Variants in PRKAR1B observed in about 807,000 individuals in gnomAD.
The protein encoded by PRKAR1B is protein kinase cAMP-dependent type I regulatory subunit beta, also known as cAMP-dependent protein kinase type I-beta regulatory subunit.
In PRKAR1B, 22 loss-of-function variants were observed where a neutral mutation model predicts 46.5. The observed-to-expected ratio is 0.47, with a 90% CI of 0.34 to 0.68. PRKAR1B has a LOEUF of 0.68. Among genes scored for constraint, PRKAR1B ranks in the 30% least tolerant of loss-of-function variants. PRKAR1B has a pLI of 0.01. For missense variants in PRKAR1B, 445 were observed against 535.6 expected (o/e 0.83, Z 1.67); for synonymous variants, 259 against 217.7 (o/e 1.19, Z -1.67).
At chr7:657,388 CATGGATGGATGG>C (rs538399335) in intron 4 of PRKAR1B, among the ~76,000 whole-genome samples, 2 of 147,562 alleles carry the variant, frequency 1.4e-5, no homozygotes, top group African/African-American at 2.5e-5. Context: ...TGAATGTGTG[CATGGATGGATGG>C]ATGGATGGAT....
At chr7:653,410 C>G (rs937459155) in intron 4 of PRKAR1B, among the ~76,000 whole-genome samples, 2 of 152,324 alleles carry the variant, frequency 1.3e-5, no homozygotes, top group Non-Finnish European at 2.9e-5. Flanking sequence ...AAAGTGAGGG[C>G]TGGCTTCCAG....
chr7:550,794 T>C (rs536931368), intron 10 of PRKAR1B, among the ~76,000 whole-genome samples, 192 bp from the exon 11 acceptor site: 1 of 152,334 alleles, frequency 6.6e-6, no homozygotes, highest in Non-Finnish European at 1.5e-5. Context: ...GCTAATGAAT[T>C]GTTTATTATC....
intron 2 of PRKAR1B, among the ~76,000 whole-genome samples, chr7:707,740 G>T (rs1780405653): frequency 6.6e-6 from 1 of 152,136 alleles, no homozygotes; most frequent in Admixed American, 6.6e-5. Context: ...GAAGATGAAG[G>T]CAGGACCCGC....
At chr7:609,783 C>G (rs1782371661) in intron 4 of PRKAR1B, among the ~76,000 whole-genome samples, 1 of 152,136 alleles carries the variant, frequency 6.6e-6, no homozygotes, top group African/African-American at 2.4e-5. Flanking sequence ...TTTTGTTGCC[C>G]AGGCTGGAGT....
intron 7 of PRKAR1B, among the ~76,000 whole-genome samples, chr7:590,809 C>G (rs1741306296): frequency 6.6e-6 from 1 of 152,068 alleles, no homozygotes. Context: ...CGGCACTTCT[C>G]CACCCGCTGC....
At chr7:726,937 T>TG in intron 1 of PRKAR1B, 1 of 1,339,684 alleles carries the variant, frequency 7.5e-7, no homozygotes, top group Non-Finnish European at 9.6e-7. Context: ...CCAGGGCCCC[T>TG]GGGCGCGCCT....
intron 2 of PRKAR1B, chr7:691,596 A>G (rs1779430156): frequency 7.7e-7 from 1 of 1,304,294 alleles, no homozygotes; most frequent in Non-Finnish European, 1.0e-6. Context: ...CGGACAGCCC[A>G]AAGTGAGGTG....
At chr7:565,080 C>T (rs185016590) in intron 9 of PRKAR1B, 5 of 152,294 alleles carry the variant, frequency 3.3e-5, no homozygotes, top group African/African-American at 9.6e-5. Flanking sequence ...CCTAACCACA[C>T]GCTTCACTTC....
At chr7:613,089 T>A (rs1184254048) in intron 4 of PRKAR1B, among the ~76,000 whole-genome samples, 1 of 151,996 alleles carries the variant, frequency 6.6e-6, no homozygotes, top group African/African-American at 2.4e-5. Context: ...GTGTTGCCAG[T>A]GAAAATAGGG....
chr7:704,683 C>G (rs1162782153), intron 2 of PRKAR1B, among the ~76,000 whole-genome samples: 1 of 152,112 alleles, frequency 6.6e-6, no homozygotes, highest in Admixed American at 6.5e-5. Context: ...GCAGGAGAAT[C>G]ACTTGAACCC....
At chr7:615,520 GGAAA>G (rs377329452) in intron 4 of PRKAR1B, among the ~76,000 whole-genome samples, 80 of 150,260 alleles carry the variant, frequency 5.3e-4, no homozygotes, top group African/African-American at 1.8e-3. Flanking sequence ...AAGGAAGAAA[GGAAA>G]GAAAGAGAGA....
intron 1 of PRKAR1B, among the ~76,000 whole-genome samples, chr7:725,584 CTTAGT>C (rs1170429635): frequency 6.6e-6 from 1 of 152,228 alleles, no homozygotes; most frequent in African/African-American, 2.4e-5. Context: ...TTAGGAGGAA[CTTAGT>C]TTATAGTTTA....
At chr7:556,380 C>T (rs1364497019) in intron 9 of PRKAR1B, among the ~76,000 whole-genome samples, 4 of 150,200 alleles carry the variant, frequency 2.7e-5, no homozygotes, top group Non-Finnish European at 4.4e-5. Flanking sequence ...TCCACTGCGA[C>T]GTGGGTTTGC....
intron 2 of PRKAR1B, among the ~76,000 whole-genome samples, chr7:694,409 G>T (rs915314152): frequency 2.0e-5 from 3 of 151,802 alleles, no homozygotes; most frequent in African/African-American, 7.3e-5. Flanking sequence ...GGTCTCGTCT[G>T]GACGCTCAGC....
At chr7:611,499 T>C (rs1356567255) in intron 4 of PRKAR1B, among the ~76,000 whole-genome samples, 1 of 152,168 alleles carries the variant, frequency 6.6e-6, no homozygotes, top group Non-Finnish European at 1.5e-5. Flanking sequence ...CACAAACCTT[T>C]TGAAAGCCCC....
chr7:592,819 G>A (rs141434583), intron 7 of PRKAR1B, among the ~76,000 whole-genome samples: 5,253 of 152,240 alleles, frequency 0.035, 284 homozygotes, highest in African/African-American at 0.12. Flanking sequence ...GATCACTTGA[G>A]CCCAGGAGTC....
intron 4 of PRKAR1B, among the ~76,000 whole-genome samples, chr7:630,146 C>T (rs554328328): frequency 6.6e-6 from 1 of 152,234 alleles, no homozygotes; most frequent in African/African-American, 2.4e-5. Flanking sequence ...GGAAGTGGAG[C>T]GCAGTGGAAG....
intron 4 of PRKAR1B, among the ~76,000 whole-genome samples, chr7:670,684 C>G (rs190961056): frequency 6.8e-6 from 1 of 148,140 alleles, no homozygotes; most frequent in African/African-American, 2.5e-5. Flanking sequence ...GGACCCAGGA[C>G]GGCCTCCGAG....
At chr7:582,676 G>A (rs1261315492) in intron 8 of PRKAR1B, among the ~76,000 whole-genome samples, 1 of 152,206 alleles carries the variant, frequency 6.6e-6, no homozygotes. Flanking sequence ...GCAGGGAGAG[G>A]GTCTCGCCCT....
Sources: gnomAD v4.1 joint callset for allele counts (sites outside exome capture counted in the v4.1 genomes callset) on GRCh38, gnomAD v4.1.1 for gene constraint, MANE v1.5 for transcripts, NCBI Gene and HGNC (gene_info 2026-07-23, HGNC 2026-07-21) for gene names.